CRYBB1: variants seen among roughly 807,000 people sequenced by gnomAD.
CRYBB1 encodes the protein crystallin beta B1.
In CRYBB1, 16 loss-of-function variants were observed where a neutral mutation model predicts 29.5. The ratio of observed to expected loss-of-function variants is 0.54; its 90% confidence interval spans 0.37 to 0.82. The LOEUF (loss-of-function observed/expected upper bound fraction) is 0.82, where lower values mean the gene tolerates loss of function less well. Among genes scored for constraint, CRYBB1 ranks in the 40% least tolerant of loss-of-function variants. The pLI, the probability that CRYBB1 is intolerant of heterozygous loss-of-function variation, is 0.00. For synonymous variants in CRYBB1, 127 were observed against 136.7 expected, an observed-to-expected ratio of 0.93 and a Z score of 0.49; for missense variants, 300 against 350.5, an observed-to-expected ratio of 0.86 and a Z score of 1.15.
rs1409761264 is a variant in CRYBB1, at chr22:26,612,177, T to C, written c.194A>G (p.Glu65Gly). The change falls in exon 3 of 6, where the codon GAA becomes GGA. Residue 65 changes from glutamate to glycine, a missense_variant. Coordinates refer to ENST00000647684, the MANE Select transcript of CRYBB1 (RefSeq NM_001887.4). ...PPGNYRLVVF[E>G]LENFQGRRAE... ...TCGACGGCCCTGGAAGTTTTCCAGTTCGAAGACCACCAGCTGCAGGAGAGA... is the reference window on the plus strand; with the variant it reads ...TCGACGGCCCTGGAAGTTTTCCAGTCCGAAGACCACCAGCTGCAGGAGAGA... 4 of 1,613,024 alleles carry C rather than the reference T, an allele frequency of 2.5e-6. No individual in the cohort carries two copies. The highest frequency in any genetic ancestry group is 3.4e-6 in the Non-Finnish European group (4 of 1,179,486).
Position 26,601,871 on chromosome 22 carries a change from A to G in CRYBB1, c.575+8T>C, listed in dbSNP as rs201400887. 1.9e-6 allele frequency: 3 copies of G among 1,611,606 alleles called. No individual in the cohort carries two copies. Among genetic ancestry groups the G allele is most frequent in the Non-Finnish European group, 2.5e-6 (3 of 1,179,780 alleles). ...AGGGGACGCGGACCTGGCAGGAGGGATGCTTACGTTCCACTGGAGACCTTC... is the reference window on the plus strand; with the variant it reads ...AGGGGACGCGGACCTGGCAGGAGGGGTGCTTACGTTCCACTGGAGACCTTC... On this transcript the variant is annotated splice_region_variant and intron_variant, in intron 5 of 5. Transcript: ENST00000647684.
chr22:26,608,014 C>T lies in CRYBB1; in HGVS notation c.307G>A (p.Ala103Thr), dbSNP rs757351043. 1.6e-5 allele frequency: 26 copies of T among 1,614,034 alleles called. No individual in the cohort carries two copies. Among genetic ancestry groups the T allele is most frequent in the Middle Eastern group, 1.6e-4 (1 of 6,084 alleles). ...CCGCGGAAGTTGGACTGCTCAAAGGCGACCCAGCTGGATACAAGAAGGACC... is the reference window on the plus strand; with the variant it reads ...CCGCGGAAGTTGGACTGCTCAAAGGTGACCCAGCTGGATACAAGAAGGACC... Reference protein sequence around the residue: ...SIIVSAGPWVAFEQSNFRGEM... With the variant: ...SIIVSAGPWVTFEQSNFRGEM... The change falls in exon 4 of 6, where the codon GCC (alanine) becomes ACC (threonine). Residue 103 changes from alanine (A) to threonine (T), a missense_variant. Physicochemically the swap from Ala to Thr is moderately conservative, Grantham distance 58. Transcript: ENST00000647684.
At chr22:26,610,200 T>C (rs1929114018) in intron 3 of CRYBB1, among the ~76,000 whole-genome samples, 1 of 152,170 alleles carries the variant, frequency 6.6e-6, no homozygotes. Flanking sequence ...AATTTTAATT[T>C]ATAAGATATG....
intron 5 of CRYBB1, among the ~76,000 whole-genome samples, chr22:26,601,616 T>G (rs953907010): frequency 2.0e-5 from 3 of 151,626 alleles, no homozygotes; most frequent in African/African-American, 4.9e-5. Flanking sequence ...CAACCCCAAC[T>G]AGGCTTAGCA....
chr22:26,612,246 A>G (rs540951662), intron 2 of CRYBB1, 56 bp from the exon 3 acceptor site: 2 of 1,155,652 alleles, frequency 1.7e-6, no homozygotes, highest in East Asian at 2.3e-5. Flanking sequence ...TCAAAAATTC[A>G]TTAAGTATCT....
intron 2 of CRYBB1, among the ~76,000 whole-genome samples, chr22:26,613,150 A>G (rs1329073008): frequency 6.6e-6 from 1 of 152,170 alleles, no homozygotes; most frequent in Non-Finnish European, 1.5e-5. Flanking sequence ...CCTCCACAAC[A>G]TAGGGGAAAA....
intron 4 of CRYBB1, among the ~76,000 whole-genome samples, chr22:26,604,491 A>G (rs1365706728): frequency 6.6e-6 from 1 of 152,256 alleles, no homozygotes; most frequent in East Asian, 1.9e-4. Flanking sequence ...AGATGAAGAA[A>G]GAACTGGTTA....
chr22:26,608,475 G>GT (rs2145964916), intron 3 of CRYBB1, among the ~76,000 whole-genome samples: 1 of 151,766 alleles, frequency 6.6e-6, no homozygotes, highest in Non-Finnish European at 1.5e-5. Flanking sequence ...TTTTTCTTTT[G>GT]TAACAAAGAG....
In CRYBB1 at chr22:26,612,149, TGCTCGACG is replaced by T. The variant is rs767925324; in HGVS notation, c.214_221del (p.Arg73IlefsTer30). On this transcript the variant is annotated frameshift_variant, in exon 3 of 6. Coordinates refer to ENST00000647684, the MANE Select transcript of CRYBB1 (RefSeq NM_001887.4). LOFTEE classifies it high-confidence loss of function. ...GATTTGAGCACTCCCCCGAGAATTC[TGCTCGACG>T]GCCCTGGAAGTTTTCCAGTTCGAAG... 21 of 1,613,568 alleles carry T rather than the reference TGCTCGACG, an allele frequency of 1.3e-5. No homozygotes were observed. Among genetic ancestry groups the T allele is most frequent in the Admixed American group, 3.3e-5 (2 of 59,942 alleles).
Position 26,601,932 on chromosome 22 carries a change from G to C in CRYBB1, c.522C>G (p.Leu174=). The C allele has an allele frequency of 6.2e-7, 1 of 1,613,108 alleles. No individual in the cohort carries two copies. The highest frequency in any genetic ancestry group is 8.5e-7 in the Non-Finnish European group (1 of 1,179,888). The change falls in exon 5 of 6, where the codon CTC becomes CTG. Residue 174 remains leucine (L), a synonymous_variant. Transcript: ENST00000647684. ...IEIQGDDAPS[L]WVYGFSDRVG... ...CGCGGTCACTGAAGCCGTAGACCCA[G>C]AGACTGGGTGCGTCGTCCCCCTGGA...
At chr22:26,616,398 C>G in intron 1 of CRYBB1, 60 bp from the exon 2 acceptor site, 1 of 1,131,848 alleles carries the variant, frequency 8.8e-7, no homozygotes, top group Non-Finnish European at 1.3e-6. Context: ...GCCCTCATAG[C>G]CCCACATCCT....
intron 3 of CRYBB1, among the ~76,000 whole-genome samples, 200 bp downstream of exon 3, chr22:26,611,872 G>A (rs557826836): frequency 8.7e-4 from 133 of 152,198 alleles, no homozygotes; most frequent in Non-Finnish European, 1.5e-3. Flanking sequence ...TCACCTCTCC[G>A]AGCCTCAGTT....
chr22:26,600,548 T>C (rs1393896355), intron 5 of CRYBB1, among the ~76,000 whole-genome samples: 5 of 152,214 alleles, frequency 3.3e-5, no homozygotes, highest in African/African-American at 9.7e-5. Flanking sequence ...GGATAAGGTA[T>C]CAGAACCTCA....
chr22:26,607,083 C>T (rs961745421), intron 4 of CRYBB1, among the ~76,000 whole-genome samples: 3 of 137,852 alleles, frequency 2.2e-5, no homozygotes, highest in Middle Eastern at 4.7e-3. Flanking sequence ...AGTGCAATGG[C>T]ATGATCTCGG....
chr22:26,605,734 A>G (rs1004634908), intron 4 of CRYBB1, among the ~76,000 whole-genome samples: 3 of 147,378 alleles, frequency 2.0e-5, no homozygotes, highest in Non-Finnish European at 4.5e-5. Context: ...GGGTTCAAGT[A>G]GAAGATGGTC....
intron 5 of CRYBB1, among the ~76,000 whole-genome samples, chr22:26,601,598 T>G (rs1928820557): frequency 7.7e-6 from 1 of 129,292 alleles, no homozygotes; most frequent in Non-Finnish European, 1.7e-5. Context: ...TTTAGTTGAT[T>G]ACTCCTTCAA....
chr22:26,616,073 A>G, intron 2 of CRYBB1, 67 bp downstream of exon 2: 1 of 1,243,382 alleles, frequency 8.0e-7, no homozygotes, highest in Non-Finnish European at 1.2e-6. Flanking sequence ...GAGGAGGAGA[A>G]GAAGGAGGAG....
rs1929355426 is a variant in CRYBB1, at chr22:26,616,344, A to G, written c.-19-6T>C. 2 of 1,606,096 alleles carry G rather than the reference A, an allele frequency of 1.2e-6. No homozygotes were observed. The highest frequency in any genetic ancestry group is 8.5e-7 in the Non-Finnish European group (1 of 1,175,614). On this transcript the variant is annotated splice_region_variant and splice_polypyrimidine_tract_variant and intron_variant, in intron 1 of 5. Transcript: ENST00000647684. ...TGGTTCCCGCCTGCAAAAGTCTGTA[A>G]AGAAACTCTGGCCTTCAGGGATGAC...
At chr22:26,603,476 G>A (rs1235213768) in intron 4 of CRYBB1, among the ~76,000 whole-genome samples, 2 of 151,818 alleles carry the variant, frequency 1.3e-5, no homozygotes, top group African/African-American at 4.8e-5. Context: ...GTTGCAGTGA[G>A]GCGAGATCAC....
Sources: allele counts gnomAD v4.1 joint callset (sites outside exome capture counted in the v4.1 genomes callset), GRCh38; gene constraint gnomAD v4.1.1; transcripts MANE v1.5; gene names NCBI Gene and HGNC (gene_info 2026-07-23, HGNC 2026-07-21).